Variants in PDXK observed in about 807,000 individuals in gnomAD.
PDXK encodes pyridoxal kinase.
Under a neutral mutation model 43.2 loss-of-function variants are expected in PDXK, and 15 were observed. The ratio of observed to expected loss-of-function variants is 0.35; its 90% CI spans 0.23 to 0.53. The LOEUF (loss-of-function observed/expected upper bound fraction) is 0.53. Ranked by LOEUF, PDXK falls within the 20% of genes least tolerant of loss-of-function variation. The pLI, the probability that PDXK is intolerant of heterozygous loss-of-function variation, is 0.92. For synonymous variants in PDXK, 172 were observed against 165.4 expected (o/e 1.04, Z -0.31); for missense variants, 343 against 417.0 (o/e 0.82, Z 1.54).
At chr21:43,755,431 G>C (rs1205833598) in intron 9 of PDXK, 3 of 518,024 alleles carry the variant, frequency 5.8e-6, no homozygotes, top group Non-Finnish European at 1.0e-5. Flanking sequence ...GTTCTATGCA[G>C]GTCACGAGGC....
At chr21:43,729,850 A>G (rs1000734726) in intron 1 of PDXK, among the ~76,000 whole-genome samples, 2 of 152,082 alleles carry the variant, frequency 1.3e-5, no homozygotes, top group African/African-American at 2.4e-5. Context: ...AGGCTAAGGC[A>G]GGAGAATCAA....
At chr21:43,729,903 C>T (rs1204118201) in intron 1 of PDXK, among the ~76,000 whole-genome samples, 1 of 151,688 alleles carries the variant, frequency 6.6e-6, no homozygotes, top group African/African-American at 2.4e-5. Context: ...GAGATTGTGC[C>T]GCTGGACTCC....
intron 3 of PDXK, 116 bp from the exon 4 acceptor site, chr21:43,743,608 C>T: frequency 3.1e-6 from 2 of 650,736 alleles, no homozygotes; most frequent in Non-Finnish European, 5.6e-6. Context: ...CCTGCACCCA[C>T]CTCCCTCCCC....
rs1012296799 is a variant in PDXK, at chr21:43,734,767, G to A, written c.142+644G>A. 6.6e-6 allele frequency among the ~76,000 whole-genome samples: 1 copy of A among 152,126 alleles called. No homozygotes were observed. Among genetic ancestry groups the A allele is most frequent in the African/African-American group, 2.4e-5 (1 of 41,416 alleles). On this transcript the variant is annotated intron_variant, in intron 2 of 10. Transcript: ENST00000291565. The surrounding 1 kb of genome is among the most constrained non-coding windows in gnomAD (Gnocchi z 5.0). The stretch of plus-strand genomic sequence containing the variant: ...GCCCCCAGCCCCATGGCCTGGGGGT[G>A]GAGGTGCGTGGAGTCCCCCCTCCTC...
chr21:43,738,133 G>C lies in PDXK; in HGVS notation c.143-3534G>C, dbSNP rs1034214503. The C allele has an allele frequency of 3.6e-6, 3 of 823,706 alleles. No homozygotes were observed. The African/African-American group carries it at 5.5e-5, about 15-fold the overall frequency. 51.0% of individuals were successfully genotyped at this position (823,706 alleles called of 1,614,324 possible). ...AACCCCAGCACCTCAGTGTGGGACT[G>C]GGTTTGGAGATGGAGCCCCTACAGA... On this transcript the variant is annotated intron_variant, in intron 2 of 10. Coordinates refer to ENST00000291565, the MANE Select transcript of PDXK (RefSeq NM_003681.5).
intron 7 of PDXK, 124 bp from the exon 8 acceptor site, chr21:43,752,394 G>A: frequency 3.0e-6 from 2 of 663,540 alleles, no homozygotes; most frequent in South Asian, 1.7e-5. Context: ...GGGGGAGTGG[G>A]GTGTGACCGG....
At chr21:43,719,752 C>A in intron 1 of PDXK, 4 of 985,444 alleles carry the variant, frequency 4.1e-6, no homozygotes, top group Non-Finnish European at 4.8e-6. Flanking sequence ...TGTCGCAGAG[C>A]CCCGAGGAGT....
At position 43,737,178 on chromosome 21, in the gene PDXK, A is replaced by G; in HGVS notation, c.142+3055A>G. The G allele has an allele frequency of 3.4e-6, 5 of 1,452,382 alleles. No individual in the cohort carries two copies. The highest frequency in any genetic ancestry group is 4.5e-6 in the Non-Finnish European group (5 of 1,101,768). 90.0% of individuals were successfully genotyped at this position (1,452,382 alleles called of 1,614,324 possible). On this transcript the variant is annotated intron_variant, in intron 2 of 10. Coordinates refer to ENST00000291565, the MANE Select transcript of PDXK (RefSeq NM_003681.5). This position sits in a 1 kb window ranked among gnomAD's most constrained non-coding sequence, Gnocchi z 4.8. ...CCACAAAGCCAGACTCCCGGCAGGG[A>G]CACGGGTGTTCCACACAAGCTGCGT...
chr21:43,743,006 C>T (rs1232375161), intron 3 of PDXK, among the ~76,000 whole-genome samples: 1 of 152,176 alleles, frequency 6.6e-6, no homozygotes, highest in Non-Finnish European at 1.5e-5. Flanking sequence ...GCTGCCGGGT[C>T]TGCCCTCCGT....
At chr21:43,738,145 G>A in intron 2 of PDXK, 1 of 715,730 alleles carries the variant, frequency 1.4e-6, no homozygotes, top group Non-Finnish European at 1.7e-6. Flanking sequence ...GTTTGGAGAT[G>A]GAGCCCCTAC....
chr21:43,736,948 T>C (rs935272152), intron 2 of PDXK: 35 of 702,040 alleles, frequency 5.0e-5, no homozygotes, highest in Non-Finnish European at 6.2e-5. Context: ...CTTTTTTCTT[T>C]TTTAGAGACA....
chr21:43,738,940 T>TG (rs1021037308), intron 2 of PDXK: 1 of 151,272 alleles, frequency 6.6e-6, no homozygotes, highest in Non-Finnish European at 1.5e-5. Context: ...TTTTTCTTTT[T>TG]TTTTTTTTTT....
intron 2 of PDXK, chr21:43,738,514 G>A (rs999968807): frequency 2.0e-5 from 3 of 152,222 alleles, no homozygotes; most frequent in Non-Finnish European, 4.4e-5. Flanking sequence ...AATAAGTTGT[G>A]GAAAGCCACA....
At chr21:43,749,792 C>T (rs1280041910) in intron 6 of PDXK, among the ~76,000 whole-genome samples, 3 of 152,178 alleles carry the variant, frequency 2.0e-5, no homozygotes, top group Non-Finnish European at 4.4e-5. Flanking sequence ...GCAGCACAGG[C>T]GGCCAGGTCA....
chr21:43,736,916 G>A, intron 2 of PDXK: 1 of 700,072 alleles, frequency 1.4e-6, no homozygotes. Context: ...TTACAGGTGT[G>A]AGACTCCACG....
chr21:43,742,136 G>A (rs932803088), intron 3 of PDXK, among the ~76,000 whole-genome samples: 1 of 152,082 alleles, frequency 6.6e-6, no homozygotes, highest in Non-Finnish European at 1.5e-5. Flanking sequence ...GCCATCCTTT[G>A]TCAACTTTCT....
At chr21:43,753,858 G>A in intron 9 of PDXK, 139 bp downstream of exon 9, 1 of 966,306 alleles carries the variant, frequency 1.0e-6, no homozygotes. Flanking sequence ...GTGGGGGAGG[G>A]CAGTGGCCAG....
At chr21:43,728,731 G>A (rs1272047303) in intron 1 of PDXK, 3 of 985,562 alleles carry the variant, frequency 3.0e-6, no homozygotes, top group Non-Finnish European at 3.6e-6. Context: ...ACCGGCCGAG[G>A]GAGGAGGACT....
In PDXK at chr21:43,743,986, G is replaced by T. The variant is rs74373568; in HGVS notation, c.331+179G>T. Reference sequence around the variant, plus strand: ...TGAAGATGTTGGCCTGCTGAAGTCCGCTGGGCTAGAAGCGTTTGCAGGTGA... The same window carrying T: ...TGAAGATGTTGGCCTGCTGAAGTCCTCTGGGCTAGAAGCGTTTGCAGGTGA... On this transcript the variant is annotated intron_variant, in intron 4 of 10. Transcript: ENST00000291565. 0.084 allele frequency among the ~76,000 whole-genome samples: 12,812 copies of T among 152,272 alleles called. 823 individuals carry two copies. The highest frequency in any genetic ancestry group is 0.23 in the East Asian group (1,181 of 5,162).
Sources: allele counts gnomAD v4.1 joint callset (sites outside exome capture counted in the v4.1 genomes callset), GRCh38; gene constraint gnomAD v4.1.1; non-coding constraint Gnocchi (gnomAD v3.1); transcripts MANE v1.5; gene names NCBI Gene and HGNC (gene_info 2026-07-23, HGNC 2026-07-21).